ADAMTS17: variants seen among roughly 807,000 people sequenced by gnomAD.
ADAMTS17 encodes A disintegrin and metalloproteinase with thrombospondin motifs 17.
ADAMTS17 carries 113 observed loss-of-function variants against 141.5 expected under a neutral mutation model. That is an observed-to-expected ratio of 0.80 (90% CI 0.69 to 0.93). ADAMTS17 has a LOEUF of 0.93. Ranked by LOEUF, ADAMTS17 falls within the 40% of genes least tolerant of loss-of-function variation. The probability of loss-of-function intolerance (pLI) is 0.00; values close to 1 mark genes in which losing one functional copy is unlikely to be tolerated. For missense variants in ADAMTS17, 1,659 were observed against 1,517.9 expected (o/e 1.09, Z -1.54); for synonymous variants, 768 against 630.6 (o/e 1.22, Z -3.27).
intron 5 of ADAMTS17, 89 bp from the exon 6 acceptor site, chr15:100,261,725 G>A: frequency 1.4e-6 from 2 of 1,435,094 alleles, no homozygotes; most frequent in Admixed American, 2.0e-5. Context: ...TAAGGTGGAG[G>A]CAGTCACTCA....
intron 6 of ADAMTS17, among the ~76,000 whole-genome samples, chr15:100,255,617 A>AAC (rs10529356): frequency 0.019 from 2,730 of 140,276 alleles, 68 homozygotes; most frequent in African/African-American, 0.057. Flanking sequence ...TGTTTTGAGC[A>AAC]ACACACACAC....
At chr15:100,093,106 A>T (rs1305790162) in intron 15 of ADAMTS17, among the ~76,000 whole-genome samples, 1 of 151,982 alleles carries the variant, frequency 6.6e-6, no homozygotes, top group Admixed American at 6.6e-5. Flanking sequence ...GTAGCTGAGG[A>T]CCTCATTTGT....
At chr15:100,035,087 T>C (rs887943512) in intron 18 of ADAMTS17, among the ~76,000 whole-genome samples, 1 of 152,138 alleles carries the variant, frequency 6.6e-6, no homozygotes, top group Non-Finnish European at 1.5e-5. Flanking sequence ...TTGGAACATT[T>C]GTAAAAAGGC....
At chr15:100,261,967 G>A (rs2043535432) in intron 5 of ADAMTS17, among the ~76,000 whole-genome samples, 1 of 152,168 alleles carries the variant, frequency 6.6e-6, no homozygotes. Context: ...CAGCATGTGG[G>A]AAGGCGCTCC....
At chr15:100,237,840 T>C (rs1341472403) in intron 7 of ADAMTS17, among the ~76,000 whole-genome samples, 1 of 152,130 alleles carries the variant, frequency 6.6e-6, no homozygotes, top group Non-Finnish European at 1.5e-5. Flanking sequence ...GCCAGGCTGG[T>C]CTCAAACTCC....
At chr15:100,282,973 T>C (rs369721078) in intron 3 of ADAMTS17, among the ~76,000 whole-genome samples, 3 of 152,298 alleles carry the variant, frequency 2.0e-5, no homozygotes, top group Admixed American at 1.3e-4. Flanking sequence ...AACCAAAATA[T>C]GAATAGTGGT....
Position 99,997,300 on chromosome 15 carries a change from T to C in ADAMTS17, c.2796+85A>G, listed in dbSNP as rs2141345665. 2 of 1,501,374 alleles carry C rather than the reference T, an allele frequency of 1.3e-6. No individual in the cohort carries two copies. Among genetic ancestry groups the C allele is most frequent in the East Asian group, 2.3e-5 (1 of 44,300 alleles). The allele number at this position is 1,501,374 out of a possible 1,614,324, so 93.0% of individuals were successfully genotyped here. A position where few individuals can be genotyped will look rare whatever the true frequency, so the allele number is the denominator to read the frequency against. ...AGCTGACCTGGGGGCGAGCGAGGGC[T>C]GGGAGGCACCAGAATGTCACCAATA... On this transcript the variant is annotated intron_variant, in intron 19 of 21. Transcript: ENST00000268070. The surrounding 1 kb of genome is among the most constrained non-coding windows in gnomAD (Gnocchi z 4.7).
intron 3 of ADAMTS17, among the ~76,000 whole-genome samples, chr15:100,292,145 C>T (rs558037449): frequency 3.4e-5 from 5 of 148,346 alleles, no homozygotes; most frequent in South Asian, 4.3e-4. Context: ...TGGGGAGTCA[C>T]GAGACACGCT....
At chr15:100,335,695 T>C (rs1436090858) in intron 2 of ADAMTS17, among the ~76,000 whole-genome samples, 1 of 152,252 alleles carries the variant, frequency 6.6e-6, no homozygotes, top group Non-Finnish European at 1.5e-5. Flanking sequence ...TTTTAATGCC[T>C]TAATGTGCCA....
chr15:99,976,233 A>G lies in ADAMTS17; in HGVS notation c.2950-11T>C, dbSNP rs1394432159. 5 of 1,542,072 alleles carry G rather than the reference A, an allele frequency of 3.2e-6. No individual in the cohort carries two copies. In the South Asian group the frequency reaches 4.8e-5, roughly 15 times the overall value. On this transcript the variant is annotated splice_polypyrimidine_tract_variant and intron_variant, in intron 20 of 21. Transcript: ENST00000268070. ...GCAGGTCGACGAGCACTGCAGAGAC[A>G]GGACAGCCTGAGTGGGGCTGACATG...
intron 3 of ADAMTS17, among the ~76,000 whole-genome samples, chr15:100,320,877 C>G (rs557706045): frequency 6.6e-6 from 1 of 151,994 alleles, no homozygotes; most frequent in Non-Finnish European, 1.5e-5. Flanking sequence ...ACAGTTTGGA[C>G]AAAGCAAAAA....
chr15:100,206,880 G>C (rs1029133357), intron 7 of ADAMTS17, among the ~76,000 whole-genome samples: 2 of 152,200 alleles, frequency 1.3e-5, no homozygotes, highest in Non-Finnish European at 2.9e-5. Flanking sequence ...CAGCATTTCT[G>C]TTTGAATCAC....
At chr15:100,044,636 T>G (rs776658166) in intron 18 of ADAMTS17, among the ~76,000 whole-genome samples, 12 of 152,186 alleles carry the variant, frequency 7.9e-5, no homozygotes, top group Admixed American at 2.6e-4. Flanking sequence ...AATTCCAACA[T>G]ACATGTCATC....
At chr15:100,032,108 A>T (rs1023825891) in intron 18 of ADAMTS17, among the ~76,000 whole-genome samples, 11 of 152,126 alleles carry the variant, frequency 7.2e-5, no homozygotes, top group African/African-American at 2.7e-4. Context: ...ACGGGTATCA[A>T]AGGTTTAGTT....
chr15:100,116,742 T>C, intron 13 of ADAMTS17, 105 bp downstream of exon 13: 1 of 1,512,242 alleles, frequency 6.6e-7, no homozygotes, highest in Admixed American at 1.7e-5. Flanking sequence ...AGTGTCTTGC[T>C]GGGTTGGTTT....
At chr15:100,023,768 C>T (rs1787543171) in intron 18 of ADAMTS17, among the ~76,000 whole-genome samples, 1 of 152,188 alleles carries the variant, frequency 6.6e-6, no homozygotes, top group African/African-American at 2.4e-5. Context: ...ATGAAGAAAA[C>T]TGACAAGTGA....
chr15:100,029,392 C>A (rs2029907162), intron 18 of ADAMTS17, among the ~76,000 whole-genome samples: 1 of 152,304 alleles, frequency 6.6e-6, no homozygotes, highest in Middle Eastern at 3.4e-3. Context: ...TTGTCACAAA[C>A]CTTCCTGCTT....
intron 6 of ADAMTS17, 43 bp downstream of exon 6, chr15:100,261,435 CT>C (rs1283566625): frequency 6.2e-7 from 1 of 1,611,294 alleles, no homozygotes; most frequent in Non-Finnish European, 8.5e-7. Flanking sequence ...AGGGAAACAT[CT>C]TTTCCCTCTC....
intron 10 of ADAMTS17, among the ~76,000 whole-genome samples, chr15:100,145,136 C>T (rs548227448): frequency 6.6e-6 from 1 of 152,124 alleles, no homozygotes; most frequent in Non-Finnish European, 1.5e-5. Context: ...AACATACACA[C>T]ACATCCCCCA....
Sources: gnomAD v4.1 joint callset for allele counts (sites outside exome capture counted in the v4.1 genomes callset) on GRCh38, gnomAD v4.1.1 for gene constraint, Gnocchi (gnomAD v3.1) non-coding constraint, MANE v1.5 for transcripts, NCBI Gene and HGNC (gene_info 2026-07-23, HGNC 2026-07-21) for gene names.